Variants in SPECC1L observed in about 807,000 individuals in gnomAD.
SPECC1L encodes cytospin-A.
In SPECC1L, 40 loss-of-function variants were observed where a neutral mutation model predicts 116.8. That is an observed-to-expected ratio of 0.34 (90% CI 0.27 to 0.45). The LOEUF (loss-of-function observed/expected upper bound fraction) is 0.45, where lower values mean the gene tolerates loss of function less well. SPECC1L is among the 20% of genes least tolerant of loss of function. SPECC1L has a pLI of 1.00. For missense variants in SPECC1L, 1,110 were observed against 1,373.6 expected, an observed-to-expected ratio of 0.81 and a Z score of 3.03; for synonymous variants, 504 against 500.6, an observed-to-expected ratio of 1.01 and a Z score of -0.09.
intron 11 of SPECC1L, among the ~76,000 whole-genome samples, chr22:24,362,027 G>A (rs1601607472): frequency 6.6e-6 from 1 of 152,190 alleles, no homozygotes; most frequent in South Asian, 2.1e-4. Context: ...TTCTTAAAAA[G>A]GATTGGTGGA....
intron 14 of SPECC1L, among the ~76,000 whole-genome samples, chr22:24,370,732 C>A (rs1031711533): frequency 1.3e-5 from 2 of 152,144 alleles, no homozygotes; most frequent in East Asian, 1.9e-4. Flanking sequence ...CAATGGAATA[C>A]CATTCTTCCT....
rs561906163 is a variant in SPECC1L at position 24,374,336 on chromosome 22, A to G, written c.3087+5016A>G. On this transcript the variant is annotated intron_variant, in intron 14 of 16. Transcript: ENST00000314328. ...ACACATGCACACGTATGTTTATTGC[A>G]GCACTATTCACAATAGCAAAGACTT... Among the ~76,000 whole-genome samples the G allele has an allele frequency of 1.4e-3, 207 of 151,780 alleles. 1 individual carries two copies. Among genetic ancestry groups the G allele is most frequent in the African/African-American group, 1.7e-3 (72 of 41,230 alleles).
At chr22:24,354,690 C>T (rs1385808599) in intron 11 of SPECC1L, among the ~76,000 whole-genome samples, 1 of 147,938 alleles carries the variant, frequency 6.8e-6, no homozygotes, top group East Asian at 2.0e-4. Flanking sequence ...TTTTTTGAGA[C>T]AGAGTCTCAC....
chr22:24,290,374 A>G lies in SPECC1L; in HGVS notation c.-37-11821A>G, dbSNP rs150842920. ...AGATCTGGATGCCATCTTTCCTCAT[A>G]AGTCATAACCGATATCGTTGATTCC... On this transcript the variant is annotated intron_variant, in intron 2 of 16. Coordinates refer to ENST00000314328, the MANE Select transcript of SPECC1L (RefSeq NM_015330.6). Among the ~76,000 whole-genome samples the G allele has an allele frequency of 7.2e-4, 110 of 152,280 alleles. No individual in the cohort carries two copies. In the East Asian group the frequency reaches 0.018, roughly 25 times the overall value.
rs954027254 is a variant in SPECC1L at position 24,345,080 on chromosome 22, C to CG, written c.2653-1999dup. ...TGAATATTCAAAACATTGTTGTGGT[C>CG]GGGGGGGTGCGGGTGGAGGACAAAT... On this transcript the variant is annotated intron_variant, in intron 10 of 16. Coordinates refer to ENST00000314328, the MANE Select transcript of SPECC1L (RefSeq NM_015330.6). Among the ~76,000 whole-genome samples, 29 of 151,946 alleles carry CG rather than the reference C, an allele frequency of 1.9e-4. No homozygotes were observed. In the East Asian group the frequency reaches 2.5e-3, roughly 13 times the overall value.
intron 2 of SPECC1L, among the ~76,000 whole-genome samples, chr22:24,298,957 A>G (rs747118297): frequency 8.5e-5 from 13 of 152,204 alleles, no homozygotes; most frequent in Non-Finnish European, 1.3e-4. Flanking sequence ...TCACCTTTTT[A>G]GGTAAATGAA....
chr22:24,412,341 A>G (rs1460316026), intron 15 of SPECC1L: 7 of 466,222 alleles, frequency 1.5e-5, no homozygotes, highest in Non-Finnish European at 2.4e-5. Flanking sequence ...GAGTGTTCCT[A>G]ACTAGCTTTT....
intron 2 of SPECC1L, among the ~76,000 whole-genome samples, chr22:24,285,830 C>G (rs190537592): frequency 6.6e-6 from 1 of 152,004 alleles, no homozygotes; most frequent in African/African-American, 2.4e-5. Context: ...TTGGTAGAGA[C>G]GGGGTTTCAC....
At chr22:24,391,357 A>G (rs1190911190) in intron 14 of SPECC1L, among the ~76,000 whole-genome samples, 1 of 152,198 alleles carries the variant, frequency 6.6e-6, no homozygotes, top group African/African-American at 2.4e-5. Context: ...TGATCTTGAT[A>G]GCTACTATTA....
chr22:24,325,500 T>A (rs1041347843), intron 6 of SPECC1L, among the ~76,000 whole-genome samples: 1 of 152,194 alleles, frequency 6.6e-6, no homozygotes, highest in Non-Finnish European at 1.5e-5. Flanking sequence ...TCTGTCTGAG[T>A]ATTTCCACTG....
intron 14 of SPECC1L, among the ~76,000 whole-genome samples, chr22:24,397,286 ACAC>A (rs2042387594): frequency 6.6e-6 from 1 of 152,208 alleles, no homozygotes; most frequent in Admixed American, 6.5e-5. Context: ...TAAGGTGAGC[ACAC>A]TATATTGAGC....
intron 2 of SPECC1L, among the ~76,000 whole-genome samples, chr22:24,289,001 TTTAG>T (rs2049105733): frequency 6.6e-6 from 1 of 152,244 alleles, no homozygotes; most frequent in African/African-American, 2.4e-5. Flanking sequence ...AAATGTTTCA[TTTAG>T]TATTTCACAT....
At chr22:24,393,400 G>C (rs746985378) in intron 14 of SPECC1L, among the ~76,000 whole-genome samples, 6 of 152,094 alleles carry the variant, frequency 3.9e-5, no homozygotes, top group Non-Finnish European at 8.8e-5. Flanking sequence ...TGTGTTTGCA[G>C]CTGCAGGACT....
chr22:24,313,523 T>C, intron 4 of SPECC1L, 57 bp downstream of exon 4: 1 of 1,582,786 alleles, frequency 6.3e-7, no homozygotes, highest in Non-Finnish European at 8.7e-7. Flanking sequence ...ATGGGCATGA[T>C]GCATTGGTGT....
intron 2 of SPECC1L, among the ~76,000 whole-genome samples, chr22:24,296,144 G>A (rs1195043109): frequency 6.6e-6 from 1 of 152,198 alleles, no homozygotes; most frequent in African/African-American, 2.4e-5. Context: ...CAGAAGTGAA[G>A]TGAGGTTTGA....
At chr22:24,386,116 CA>C (rs34355662) in intron 14 of SPECC1L, among the ~76,000 whole-genome samples, 33,438 of 135,118 alleles carry the variant, frequency 0.25, 3,820 homozygotes, top group Non-Finnish European at 0.28. Flanking sequence ...TTATTAGTTT[CA>C]AAAAAAAAAA....
At chr22:24,276,949 T>C (rs2048849211) in intron 2 of SPECC1L, 146 bp downstream of exon 2, 1 of 208,158 alleles carries the variant, frequency 4.8e-6, no homozygotes, top group Non-Finnish European at 1.0e-5. Flanking sequence ...ATTTTCTTCT[T>C]GCTTGCTTTT....
intron 13 of SPECC1L, among the ~76,000 whole-genome samples, chr22:24,367,544 G>A (rs562880636): frequency 1.3e-4 from 20 of 152,078 alleles, no homozygotes; most frequent in African/African-American, 3.1e-4. Flanking sequence ...AAGATTGGAC[G>A]TCCCTGCTTT....
At chr22:24,388,956 C>T (rs575036559) in intron 14 of SPECC1L, among the ~76,000 whole-genome samples, 1 of 152,140 alleles carries the variant, frequency 6.6e-6, no homozygotes, top group Non-Finnish European at 1.5e-5. Flanking sequence ...TACCACCTCA[C>T]AGCCCTAGGC....
Sources: allele counts gnomAD v4.1 joint callset (sites outside exome capture counted in the v4.1 genomes callset), GRCh38; gene constraint gnomAD v4.1.1; transcripts MANE v1.5; gene names NCBI Gene and HGNC (gene_info 2026-07-23, HGNC 2026-07-21).